The following EIF4G3 variants were observed in gnomAD, a reference collection of about 807,000 sequenced individuals.
EIF4G3 encodes eukaryotic translation initiation factor 4 gamma 3, also known as eIF-4-gamma 3.
EIF4G3 carries 34 observed loss-of-function variants against 186.4 expected under a neutral mutation model. The ratio of observed to expected loss-of-function variants is 0.18; its 90% CI spans 0.14 to 0.24. EIF4G3 has a LOEUF of 0.24. Among genes scored for constraint, EIF4G3 ranks in the 10% least tolerant of loss-of-function variants. EIF4G3 has a pLI of 1.00. For missense variants in EIF4G3, 1,536 were observed against 1,948.5 expected (o/e 0.79, Z 3.99); for synonymous variants, 673 against 679.5 (o/e 0.99, Z 0.15).
intron 3 of EIF4G3, among the ~76,000 whole-genome samples, chr1:21,070,232 T>TG (rs1244559438): frequency 2.6e-5 from 4 of 151,834 alleles, no homozygotes; most frequent in African/African-American, 4.8e-5. Context: ...ACTAAGACTG[T>TG]GGAAAAAAAA....
At chr1:20,814,742 A>T in intron 34 of EIF4G3, among the ~76,000 whole-genome samples, 1 of 96,516 alleles carries the variant, frequency 1.0e-5, no homozygotes, top group Non-Finnish European at 2.3e-5. Context: ...TAAGGTTAAA[A>T]ATTCATCTCC....
intron 18 of EIF4G3, among the ~76,000 whole-genome samples, chr1:20,887,803 A>C (rs1020563908): frequency 1.2e-4 from 18 of 152,178 alleles, no homozygotes; most frequent in Non-Finnish European, 2.5e-4. Flanking sequence ...ATTGTAACTG[A>C]AACTTTAATA....
intron 13 of EIF4G3, among the ~76,000 whole-genome samples, chr1:20,947,460 C>T (rs1409226637): frequency 6.7e-6 from 1 of 150,152 alleles, no homozygotes; most frequent in African/African-American, 2.4e-5. Context: ...AAAAAAAACT[C>T]TGAAAACAGT....
chr1:21,166,903 T>C (rs1386338963), intron 2 of EIF4G3, among the ~76,000 whole-genome samples: 1 of 151,940 alleles, frequency 6.6e-6, no homozygotes, highest in Non-Finnish European at 1.5e-5. Flanking sequence ...CACCTTAGCC[T>C]CCCAAGTAGC....
chr1:21,128,206 C>CAA (rs11462443), intron 2 of EIF4G3, among the ~76,000 whole-genome samples: 14 of 107,066 alleles, frequency 1.3e-4, no homozygotes, highest in East Asian at 7.7e-4. Context: ...GACTCCGTCT[C>CAA]AAAAAAAAAA....
chr1:20,856,740 C>T (rs186605250), intron 25 of EIF4G3, among the ~76,000 whole-genome samples: 159 of 152,214 alleles, frequency 1.0e-3, no homozygotes, highest in African/African-American at 3.3e-3. Context: ...CCCAGAGCTA[C>T]GGATACATTG....
In EIF4G3 at chr1:20,893,497, TG is replaced by T. The variant is rs774727892; in HGVS notation, c.2253+19del. 1 of 1,581,364 alleles carries T rather than the reference TG, an allele frequency of 6.3e-7. No individual in the cohort carries two copies. The highest frequency in any genetic ancestry group is 1.1e-5 in the South Asian group (1 of 88,202). On this transcript the variant is annotated intron_variant, in intron 18 of 36. Coordinates refer to ENST00000602326, the MANE Select transcript of EIF4G3 (RefSeq NM_001391906.1). ...TGTGCCAGTGTCTAACTAAGTGAGTTGTAGGGAACTTGCACTTACAGGTACG... is the reference window on the plus strand; with the variant it reads ...TGTGCCAGTGTCTAACTAAGTGAGTTTAGGGAACTTGCACTTACAGGTACG...
At chr1:21,020,419 G>C (rs2090401729) in intron 4 of EIF4G3, among the ~76,000 whole-genome samples, 1 of 152,136 alleles carries the variant, frequency 6.6e-6, no homozygotes, top group South Asian at 2.1e-4. Flanking sequence ...CAGCCTAGGA[G>C]GAGGAGGTTG....
intron 14 of EIF4G3, among the ~76,000 whole-genome samples, chr1:20,922,146 T>C (rs1448808489): frequency 1.3e-5 from 2 of 152,230 alleles, no homozygotes; most frequent in Non-Finnish European, 2.9e-5. Context: ...CATAACTTCT[T>C]AGAATCTGAA....
Position 20,907,473 on chromosome 1 carries a change from G to T in EIF4G3, c.1664-2502C>A, listed in dbSNP as rs1166467551. 4.0e-5 allele frequency among the ~76,000 whole-genome samples: 6 copies of T among 151,846 alleles called. No homozygotes were observed. The South Asian group carries it at 1.3e-3, about 32-fold the overall frequency. On this transcript the variant is annotated intron_variant, in intron 14 of 36. Transcript: ENST00000602326. ...TGCTACATATGTATACATGTGCCAT[G>T]TTGGTGTGCTGCACCCATTAACTCG...
At chr1:20,886,050 T>C (rs2084030360) in intron 19 of EIF4G3, 151 bp downstream of exon 19, 1 of 943,468 alleles carries the variant, frequency 1.1e-6, no homozygotes, top group Non-Finnish European at 1.6e-6. Flanking sequence ...TTGCCTGGCA[T>C]CCATAATGGC....
intron 2 of EIF4G3, among the ~76,000 whole-genome samples, chr1:21,131,452 A>G (rs1014661452): frequency 6.2e-5 from 8 of 128,878 alleles, no homozygotes; most frequent in African/African-American, 1.5e-4. Context: ...AATTTTCCAG[A>G]AAAAAAAAAA....
intron 4 of EIF4G3, among the ~76,000 whole-genome samples, chr1:21,009,821 A>AT (rs2086455858): frequency 1.3e-5 from 2 of 151,634 alleles, no homozygotes; most frequent in South Asian, 4.2e-4. Context: ...CACCCTGCTA[A>AT]TTTTTCTATT....
chr1:21,081,325 C>G (rs922323753), intron 3 of EIF4G3, among the ~76,000 whole-genome samples: 2 of 152,256 alleles, frequency 1.3e-5, no homozygotes, highest in South Asian at 2.1e-4. Context: ...CCCAGCTACT[C>G]GGGAAGCTGA....
At chr1:20,959,848 C>T (rs2096531980) in intron 12 of EIF4G3, among the ~76,000 whole-genome samples, 1 of 151,914 alleles carries the variant, frequency 6.6e-6, no homozygotes, top group African/African-American at 2.4e-5. Flanking sequence ...CTTACTGCTG[C>T]AAGAATGACC....
At position 20,916,669 on chromosome 1, in the gene EIF4G3, A is replaced by C. The variant is rs2093912066; in HGVS notation, c.1664-11698T>G. Among the ~76,000 whole-genome samples the C allele has an allele frequency of 3.3e-5, 5 of 152,336 alleles. No homozygotes were observed. The South Asian group carries it at 1.0e-3, about 32-fold the overall frequency. ...ATGGCCAAAACAACTTTGAAAAAGA[A>C]GAATGAAGTTGGAGGGCTTAATACT... On this transcript the variant is annotated intron_variant, in intron 14 of 36. Coordinates refer to ENST00000602326, the MANE Select transcript of EIF4G3 (RefSeq NM_001391906.1).
intron 2 of EIF4G3, chr1:21,111,429 AC>A (rs777607283): frequency 2.1e-6 from 1 of 467,904 alleles, no homozygotes; most frequent in South Asian, 1.6e-5. Flanking sequence ...CTTAGCACAT[AC>A]TAAGCAGTAT....
intron 3 of EIF4G3, among the ~76,000 whole-genome samples, chr1:21,054,279 G>T (rs999084357): frequency 2.0e-5 from 3 of 149,548 alleles, no homozygotes; most frequent in South Asian, 4.3e-4. Flanking sequence ...CAGCATGCCC[G>T]TTAAGAGTCA....
chr1:20,964,678 T>C (rs531788898), intron 12 of EIF4G3, among the ~76,000 whole-genome samples: 95 of 152,232 alleles, frequency 6.2e-4, no homozygotes, highest in Non-Finnish European at 1.2e-3. Flanking sequence ...GCATATGTTT[T>C]TGAAACCCTT....
Sources: gnomAD v4.1 joint callset for allele counts (sites outside exome capture counted in the v4.1 genomes callset) on GRCh38, gnomAD v4.1.1 for gene constraint, MANE v1.5 for transcripts, NCBI Gene and HGNC (gene_info 2026-07-23, HGNC 2026-07-21) for gene names.